Variants in SLAMF9 observed in about 807,000 individuals in gnomAD.
The protein encoded by SLAMF9 is CD2 family member 10.
SLAMF9 carries 25 observed loss-of-function variants against 30.4 expected under a neutral mutation model. The ratio of observed to expected loss-of-function variants is 0.82; its 90% CI spans 0.60 to 1.15. The LOEUF (loss-of-function observed/expected upper bound fraction) is 1.15. SLAMF9 is among the 50% of genes most tolerant of loss of function. The pLI, the probability that SLAMF9 is intolerant of heterozygous loss-of-function variation, is 0.00. For missense variants in SLAMF9, 344 were observed against 346.1 expected, an observed-to-expected ratio of 0.99 and a Z score of 0.05; for synonymous variants, 129 against 127.2, an observed-to-expected ratio of 1.01 and a Z score of -0.09.
chr1:159,981,628 G>C, the SLAMF9 span, among the ~76,000 whole-genome samples: 1 of 152,224 alleles, frequency 6.6e-6, no homozygotes, highest in African/African-American at 2.4e-5. Context: ...GCTGCTGCAG[G>C]CATCTCTGTG....
At chr1:159,959,298 A>G in the SLAMF9 span, among the ~76,000 whole-genome samples, 1 of 148,834 alleles carries the variant, frequency 6.7e-6, no homozygotes, top group East Asian at 2.0e-4. Flanking sequence ...CCTCTCTCTT[A>G]CCCCTGACCA....
the SLAMF9 span, among the ~76,000 whole-genome samples, chr1:159,979,576 C>T: frequency 1.2e-3 from 177 of 148,382 alleles, 1 homozygote; most frequent in African/African-American, 3.8e-3. Context: ...GTACGGTAGA[C>T]AAAAAAAATA....
At chr1:159,963,211 C>T in the SLAMF9 span, among the ~76,000 whole-genome samples, 2 of 152,160 alleles carry the variant, frequency 1.3e-5, no homozygotes, top group South Asian at 4.1e-4. Context: ...GAATGTGAGT[C>T]ATGGTTATTA....
chr1:159,955,885 C>T (rs1373982805), upstream of SLAMF9, among the ~76,000 whole-genome samples: 1 of 152,084 alleles, frequency 6.6e-6, no homozygotes, highest in African/African-American at 2.4e-5. Context: ...AGTATAAAAC[C>T]TGAGGGATTA....
At chr1:159,974,139 C>G in the SLAMF9 span, 7 of 1,091,118 alleles carry the variant, frequency 6.4e-6, no homozygotes, top group Non-Finnish European at 8.2e-6. Flanking sequence ...GTCCTCCAGC[C>G]TAAGGCCTCT....
the SLAMF9 span, chr1:159,983,339 T>C: frequency 6.6e-6 from 1 of 152,300 alleles, no homozygotes; most frequent in South Asian, 2.1e-4. Context: ...TAAGTGGGTA[T>C]TGAGTGGACC....
chr1:159,964,062 AAAAC>A, the SLAMF9 span, among the ~76,000 whole-genome samples: 135 of 152,316 alleles, frequency 8.9e-4, no homozygotes, highest in Middle Eastern at 6.8e-3. Flanking sequence ...TCTGTCTCAA[AAAAC>A]AAACAAACAA....
chr1:159,966,724 A>G, the SLAMF9 span, among the ~76,000 whole-genome samples: 1 of 152,160 alleles, frequency 6.6e-6, no homozygotes, highest in Admixed American at 6.5e-5. Context: ...ACTGATCCTG[A>G]GCATTTTTTA....
the SLAMF9 span, chr1:159,974,122 T>A: frequency 8.0e-7 from 1 of 1,256,414 alleles, no homozygotes; most frequent in Non-Finnish European, 1.1e-6. Flanking sequence ...GTCACTTCTC[T>A]CCCTCTGTCC....
the SLAMF9 span, among the ~76,000 whole-genome samples, chr1:159,981,330 C>T: frequency 1.3e-5 from 2 of 152,312 alleles, no homozygotes; most frequent in Admixed American, 6.5e-5. Flanking sequence ...TGACTTTAGA[C>T]TTCCAGCCTC....
chr1:159,952,464 C>T lies in SLAMF9; in HGVS notation c.462G>A (p.Leu154=). Residue 154 remains leucine, a synonymous_variant, in exon 3 of 4, where the codon CTG becomes CTA. Transcript: ENST00000368093. The part of the protein sequence containing the change: ...SSGEGACSMS[L]VCSVEKAGMD... ...TGCCTGCCTTCTCCACAGAGCACAC[C>T]AGGGACATACTGCAGGCACCTTCCC... 6.2e-7 allele frequency: 1 copy of T among 1,614,086 alleles called. No homozygotes were observed. The highest frequency in any genetic ancestry group is 8.5e-7 in the Non-Finnish European group (1 of 1,180,010).
chr1:159,983,957 C>A, the SLAMF9 span: 1 of 152,364 alleles, frequency 6.6e-6, no homozygotes, highest in African/African-American at 2.4e-5. Context: ...AAAGGCAGTG[C>A]CTTTCCCTGC....
Position 159,953,349 on chromosome 1 carries a change from G to C in SLAMF9, c.351C>G (p.Ser117=). 1 of 1,612,652 alleles carries C rather than the reference G, an allele frequency of 6.2e-7. No homozygotes were observed. The highest frequency in any genetic ancestry group is 1.7e-4 in the Middle Eastern group (1 of 6,058). Residue 117 remains serine, a synonymous_variant, in exon 2 of 4, where the codon TCC becomes TCG. Coordinates refer to ENST00000368093, the MANE Select transcript of SLAMF9 (RefSeq NM_033438.4). The stretch of plus-strand genomic sequence containing the variant: ...TGTACTGCTGCATGGTAGAGATCTG[G>C]GATGTTCTCAGGTTGACTTGAGCTT... The part of the protein sequence containing the change: ...LYQAQVNLRT[S]QISTMQQYNI...
the SLAMF9 span, among the ~76,000 whole-genome samples, chr1:159,981,792 T>C: frequency 6.6e-6 from 1 of 152,230 alleles, no homozygotes; most frequent in Admixed American, 6.5e-5. Context: ...GAAACAGGGC[T>C]AGAAACAGGC....
the SLAMF9 span, among the ~76,000 whole-genome samples, chr1:159,979,405 G>A: frequency 2.0e-5 from 3 of 152,158 alleles, no homozygotes; most frequent in Non-Finnish European, 4.4e-5. Context: ...TTAGAAACTG[G>A]TCTAAGATGT....
At chr1:159,969,239 G>T in the SLAMF9 span, among the ~76,000 whole-genome samples, 1 of 142,024 alleles carries the variant, frequency 7.0e-6, no homozygotes. Context: ...AGCCAATTTT[G>T]CTGACTGTGG....
At chr1:159,981,120 A>G in the SLAMF9 span, among the ~76,000 whole-genome samples, 3 of 152,132 alleles carry the variant, frequency 2.0e-5, no homozygotes, top group Non-Finnish European at 1.5e-5. Context: ...GTATTTGGAG[A>G]CAGGGTATTT....
Position 159,953,663 on chromosome 1 carries a change from A to G in SLAMF9, c.47-10T>C, listed in dbSNP as rs1240155429. On this transcript the variant is annotated splice_polypyrimidine_tract_variant and intron_variant, in intron 1 of 3. Transcript: ENST00000368093. The stretch of plus-strand genomic sequence containing the variant: ...AGTCTCCTTTGGCTGCCTATGCAGG[A>G]AGAAAAGAGAAGCAAACAACCCAGC... 1 of 1,579,780 alleles carries G rather than the reference A, an allele frequency of 6.3e-7. No homozygotes were observed. Among genetic ancestry groups the G allele is most frequent in the African/African-American group, 1.3e-5 (1 of 74,156 alleles).
chr1:159,956,156 A>T (rs923223161), upstream of SLAMF9, among the ~76,000 whole-genome samples: 25 of 152,336 alleles, frequency 1.6e-4, no homozygotes, highest in Admixed American at 1.2e-3. Context: ...ACACAATGGA[A>T]TACTATCCAT....
Sources: gnomAD v4.1 joint callset for allele counts (sites outside exome capture counted in the v4.1 genomes callset) on GRCh38, gnomAD v4.1.1 for gene constraint, MANE v1.5 for transcripts, NCBI Gene and HGNC (gene_info 2026-07-23, HGNC 2026-07-21) for gene names.